KCNIP3: variants seen among roughly 807,000 people sequenced by gnomAD.
KCNIP3 encodes the protein calsenilin.
KCNIP3 carries 28 observed loss-of-function variants against 35.0 expected under a neutral mutation model. That is an observed-to-expected ratio of 0.80 (90% confidence interval 0.59 to 1.10). The LOEUF (loss-of-function observed/expected upper bound fraction) is 1.10. Among genes scored for constraint, KCNIP3 ranks in the 50% least tolerant of loss-of-function variants. The pLI is 0.00. For missense variants in KCNIP3, 295 were observed against 338.4 expected, an observed-to-expected ratio of 0.87 and a Z score of 1.01; for synonymous variants, 134 against 133.8, an observed-to-expected ratio of 1.00 and a Z score of -0.01.
At chr2:95,357,159 C>A (rs1399136690) in intron 2 of KCNIP3, among the ~76,000 whole-genome samples, 1 of 152,226 alleles carries the variant, frequency 6.6e-6, no homozygotes, top group Non-Finnish European at 1.5e-5. Context: ...AGCATCACAG[C>A]AGTCTCACCA....
At chr2:95,359,854 CACTGTGGTGGAATGTGA>C (rs1679746723) in intron 2 of KCNIP3, among the ~76,000 whole-genome samples, 1 of 152,250 alleles carries the variant, frequency 6.6e-6, no homozygotes, top group African/African-American at 2.4e-5. Flanking sequence ...AGCCAAGGAG[CACTGTGGTGGAATGTGA>C]GGAGCAGAGT....
chr2:95,326,356 A>T (rs1232658470), intron 2 of KCNIP3, among the ~76,000 whole-genome samples: 1 of 152,146 alleles, frequency 6.6e-6, no homozygotes, highest in Non-Finnish European at 1.5e-5. Flanking sequence ...ACACATAAAC[A>T]CACACCCCAG....
At chr2:95,349,229 G>A (rs760436985) in intron 2 of KCNIP3, among the ~76,000 whole-genome samples, 1 of 152,164 alleles carries the variant, frequency 6.6e-6, no homozygotes, top group Admixed American at 6.5e-5. Context: ...GCTGTGAGGA[G>A]CCCAGGCTGT....
chr2:95,325,695 ACT>A lies in KCNIP3; in HGVS notation c.181+15177_181+15178del, dbSNP rs557064181. Among the ~76,000 whole-genome samples, 13 of 150,748 alleles carry A rather than the reference ACT, an allele frequency of 8.6e-5. No homozygotes were observed. In the East Asian group the frequency reaches 9.7e-4, roughly 11 times the overall value. ...CACATACACACTCATACACATACAC[ACT>A]CATACATACACACAGTCATACACTT... On this transcript the variant is annotated intron_variant, in intron 2 of 8. Transcript: ENST00000295225.
intron 2 of KCNIP3, chr2:95,310,880 T>C (rs1678296185): frequency 3.1e-5 from 10 of 324,172 alleles, no homozygotes; most frequent in South Asian, 2.9e-4. Context: ...TGATCCTTTC[T>C]AAGCCTTCCG....
At chr2:95,302,372 C>T (rs1678059159) in intron 1 of KCNIP3, among the ~76,000 whole-genome samples, 2 of 152,248 alleles carry the variant, frequency 1.3e-5, no homozygotes, top group African/African-American at 4.8e-5. Context: ...GCTGCATTTT[C>T]AGATCTATTG....
chr2:95,343,805 AG>A (rs1412086910), intron 2 of KCNIP3, among the ~76,000 whole-genome samples: 1 of 152,156 alleles, frequency 6.6e-6, no homozygotes, highest in Non-Finnish European at 1.5e-5. Flanking sequence ...GGCTTCTTGG[AG>A]ACAGAACTGG....
intron 2 of KCNIP3, chr2:95,368,701 G>T: frequency 3.9e-6 from 1 of 258,654 alleles, no homozygotes; most frequent in Non-Finnish European, 8.4e-6. Context: ...GTGTCTCTGT[G>T]TGAATGAATA....
At chr2:95,327,309 C>A (rs1272771192) in intron 2 of KCNIP3, among the ~76,000 whole-genome samples, 1 of 152,210 alleles carries the variant, frequency 6.6e-6, no homozygotes, top group African/African-American at 2.4e-5. Flanking sequence ...ACTTAGGGAT[C>A]CCAGCTCAGT....
intron 2 of KCNIP3, among the ~76,000 whole-genome samples, chr2:95,349,004 T>A (rs1679445401): frequency 6.6e-6 from 1 of 152,180 alleles, no homozygotes; most frequent in Non-Finnish European, 1.5e-5. Flanking sequence ...GCCGTGCTTA[T>A]CAGGGATATT....
chr2:95,362,795 T>C (rs1269977495), intron 2 of KCNIP3, among the ~76,000 whole-genome samples: 2 of 152,240 alleles, frequency 1.3e-5, no homozygotes, highest in Non-Finnish European at 2.9e-5. Context: ...CGACTAGTAC[T>C]GGTCCTCGGC....
At chr2:95,324,579 A>G (rs1359839932) in intron 2 of KCNIP3, among the ~76,000 whole-genome samples, 2 of 147,606 alleles carry the variant, frequency 1.4e-5, no homozygotes, top group East Asian at 4.0e-4. Flanking sequence ...AGTTTTTTAA[A>G]AAACATTTTT....
chr2:95,381,178 A>G (rs532454086), intron 5 of KCNIP3, among the ~76,000 whole-genome samples: 1 of 152,158 alleles, frequency 6.6e-6, no homozygotes, highest in African/African-American at 2.4e-5. Context: ...GACACCATAT[A>G]TATTTGAATA....
Position 95,382,007 on chromosome 2 carries a change from C to G in KCNIP3, c.555+304C>G, listed in dbSNP as rs1680358924. Among the ~76,000 whole-genome samples, 1 of 152,220 alleles carries G rather than the reference C, an allele frequency of 6.6e-6. No individual in the cohort carries two copies. The highest frequency in any genetic ancestry group is 6.5e-5 in the Admixed American group (1 of 15,292). On this transcript the variant is annotated intron_variant, in intron 6 of 8. Coordinates refer to ENST00000295225, the MANE Select transcript of KCNIP3 (RefSeq NM_013434.5). The surrounding 1 kb of genome is among the most constrained non-coding windows in gnomAD (Gnocchi z 4.5). The stretch of plus-strand genomic sequence containing the variant: ...AGATTTAAGTGGAGAAGCCAGAGGT[C>G]CTGGCCTTGGCCCCCATCAAGTGAA...
At chr2:95,328,859 G>A (rs1678854684) in intron 2 of KCNIP3, among the ~76,000 whole-genome samples, 1 of 152,250 alleles carries the variant, frequency 6.6e-6, no homozygotes, top group Non-Finnish European at 1.5e-5. Flanking sequence ...CTGCCTCCGA[G>A]CTCTGGCCTT....
chr2:95,369,690 G>A (rs2104294775), intron 2 of KCNIP3, among the ~76,000 whole-genome samples: 1 of 151,804 alleles, frequency 6.6e-6, no homozygotes, highest in Admixed American at 6.6e-5. Flanking sequence ...AAGTGCAGTG[G>A]TATGACCATG....
intron 2 of KCNIP3, among the ~76,000 whole-genome samples, chr2:95,354,746 C>T (rs1679614526): frequency 1.3e-5 from 2 of 152,230 alleles, no homozygotes; most frequent in Non-Finnish European, 2.9e-5. Context: ...TGGCTTGGAG[C>T]AGGCCCAAGG....
rs1360902886 is a variant in KCNIP3 at position 95,385,345 on chromosome 2, C to T, written c.*1296C>T. 1 of 152,742 alleles carries T rather than the reference C, an allele frequency of 6.5e-6. No homozygotes were observed. Among genetic ancestry groups the T allele is most frequent in the East Asian group, 1.9e-4 (1 of 5,192 alleles). The allele number at this position is 152,742 out of a possible 1,614,324, so 9.5% of individuals were successfully genotyped here. On this transcript the variant is annotated 3_prime_UTR_variant, in exon 9 of 9. Transcript: ENST00000295225. ...CCCTGGGGACTCTGCTTGGCTGTCC[C>T]CTCCATCTGGGGATGGAGAATGCCA...
intron 2 of KCNIP3, among the ~76,000 whole-genome samples, chr2:95,350,525 C>A (rs1679487717): frequency 6.6e-6 from 1 of 152,210 alleles, no homozygotes; most frequent in Non-Finnish European, 1.5e-5. Flanking sequence ...TCTGCTCCAC[C>A]TCCTGCTGGC....
Sources: gnomAD v4.1 joint callset for allele counts (sites outside exome capture counted in the v4.1 genomes callset) on GRCh38, gnomAD v4.1.1 for gene constraint, Gnocchi (gnomAD v3.1) non-coding constraint, MANE v1.5 for transcripts, NCBI Gene and HGNC (gene_info 2026-07-23, HGNC 2026-07-21) for gene names.